The following BLTP3B variants were observed in gnomAD, a reference collection of about 807,000 sequenced individuals.
BLTP3B encodes the protein UHRF1 (ICBP90) binding protein 1-like.
chr12:100,103,965 A>G, the BLTP3B span: 5 of 1,594,548 alleles, frequency 3.1e-6, no homozygotes, highest in Non-Finnish European at 4.3e-6. Context: ...CAAATGAAAA[A>G]TTTTTAATTT....
the BLTP3B span, among the ~76,000 whole-genome samples, chr12:100,065,226 T>C: frequency 3.4e-3 from 510 of 152,148 alleles, 1 homozygote; most frequent in Non-Finnish European, 5.8e-3. Flanking sequence ...TCACCTCAGG[T>C]CCACTGTGAT....
the BLTP3B span, among the ~76,000 whole-genome samples, chr12:100,084,947 A>T: frequency 2.0e-5 from 3 of 152,190 alleles, no homozygotes; most frequent in African/African-American, 7.2e-5. Context: ...CCTTCACTGG[A>T]TGCTCAATTA....
chr12:100,044,969 A>C, the BLTP3B span, among the ~76,000 whole-genome samples: 1 of 152,300 alleles, frequency 6.6e-6, no homozygotes, highest in South Asian at 2.1e-4. Context: ...ACAAACAGAG[A>C]GCCAAATCAT....
At chr12:100,077,893 G>C in the BLTP3B span, among the ~76,000 whole-genome samples, 1 of 152,118 alleles carries the variant, frequency 6.6e-6, no homozygotes, top group Non-Finnish European at 1.5e-5. Flanking sequence ...TATATTCACA[G>C]TATAGCCAAT....
the BLTP3B span, chr12:100,095,811 T>C: frequency 1.7e-5 from 27 of 1,610,724 alleles, no homozygotes; most frequent in South Asian, 2.4e-4. Flanking sequence ...GAACTAACTT[T>C]GTTGCTATGA....
the BLTP3B span, among the ~76,000 whole-genome samples, chr12:100,046,416 G>A: frequency 6.6e-6 from 1 of 152,166 alleles, no homozygotes; most frequent in Non-Finnish European, 1.5e-5. Flanking sequence ...GTGACTTCAT[G>A]TCCTTTGCAG....
the BLTP3B span, among the ~76,000 whole-genome samples, chr12:100,068,301 G>A: frequency 6.6e-6 from 1 of 152,184 alleles, no homozygotes; most frequent in Non-Finnish European, 1.5e-5. Context: ...CCATATGTGG[G>A]AGAATGAAAC....
chr12:100,123,769 A>G, the BLTP3B span, among the ~76,000 whole-genome samples: 2 of 151,962 alleles, frequency 1.3e-5, no homozygotes, highest in African/African-American at 2.4e-5. Context: ...TTTTAAATGC[A>G]TTCTCAATTT....
chr12:100,097,880 A>C, the BLTP3B span, among the ~76,000 whole-genome samples: 1 of 152,204 alleles, frequency 6.6e-6, no homozygotes, highest in Admixed American at 6.5e-5. Flanking sequence ...TACTAGAGTA[A>C]AGACATTAAA....
the BLTP3B span, chr12:100,084,617 T>C: frequency 5.0e-6 from 8 of 1,614,054 alleles, no homozygotes; most frequent in Admixed American, 1.0e-4. Context: ...TTTTTTGTTT[T>C]GGTTGCATCA....
At chr12:100,048,731 G>T in the BLTP3B span, among the ~76,000 whole-genome samples, 6 of 138,568 alleles carry the variant, frequency 4.3e-5, 1 homozygote, top group Admixed American at 7.2e-5. Flanking sequence ...TATAGTAAGG[G>T]GGGGGAGAGA....
At chr12:100,120,942 T>C in the BLTP3B span, among the ~76,000 whole-genome samples, 1 of 152,116 alleles carries the variant, frequency 6.6e-6, no homozygotes, top group African/African-American at 2.4e-5. Context: ...ATATCCACAA[T>C]AGAATAATCA....
At chr12:100,089,219 T>C in the BLTP3B span, 1 of 793,948 alleles carries the variant, frequency 1.3e-6, no homozygotes, top group East Asian at 3.2e-5. Flanking sequence ...TTTTCATCAA[T>C]AATATATTTT....
the BLTP3B span, among the ~76,000 whole-genome samples, chr12:100,041,865 A>G: frequency 6.6e-6 from 1 of 152,214 alleles, no homozygotes; most frequent in Non-Finnish European, 1.5e-5. Flanking sequence ...GATCTTGCGT[A>G]TAGAAAAAAA....
the BLTP3B span, among the ~76,000 whole-genome samples, chr12:100,124,315 G>A: frequency 2.0e-5 from 3 of 151,912 alleles, no homozygotes; most frequent in African/African-American, 4.8e-5. Context: ...AAAATGGGTA[G>A]ACCTAGGCAG....
the BLTP3B span, among the ~76,000 whole-genome samples, chr12:100,072,216 C>T: frequency 3.3e-5 from 5 of 152,114 alleles, no homozygotes; most frequent in East Asian, 5.8e-4. Flanking sequence ...GAGCCGAGAT[C>T]GTGCCACTGC....
At chr12:100,076,029 A>C in the BLTP3B span, among the ~76,000 whole-genome samples, 1 of 152,092 alleles carries the variant, frequency 6.6e-6, no homozygotes, top group Admixed American at 6.5e-5. Context: ...GGATGGTGGG[A>C]TAATCACACC....
the BLTP3B span, chr12:100,097,337 A>C: frequency 6.3e-7 from 1 of 1,596,254 alleles, no homozygotes; most frequent in Non-Finnish European, 8.5e-7. Flanking sequence ...TTAACACATG[A>C]ATCAAAAATG....
At chr12:100,128,446 AG>A in the BLTP3B span, 1 of 650,282 alleles carries the variant, frequency 1.5e-6, no homozygotes, top group Non-Finnish European at 2.0e-6. Context: ...CTAGCTACAT[AG>A]TAAAGAAAAT....
Sources: allele counts gnomAD v4.1 joint callset (sites outside exome capture counted in the v4.1 genomes callset), GRCh38; gene constraint gnomAD v4.1.1; transcripts MANE v1.5; gene names NCBI Gene and HGNC (gene_info 2026-07-23, HGNC 2026-07-21).